DPP6: variants seen among roughly 807,000 people sequenced by gnomAD.
DPP6 encodes the protein dipeptidyl peptidase like 6.
In DPP6, 69 loss-of-function variants were observed where a neutral mutation model predicts 122.6. That is an observed-to-expected ratio of 0.56 (90% CI 0.46 to 0.69). DPP6 has a LOEUF of 0.69. DPP6 is among the 30% of genes least tolerant of loss of function. The pLI is 0.00. For missense variants in DPP6, 928 were observed against 1,116.9 expected (o/e 0.83, Z 2.41); for synonymous variants, 418 against 433.1 (o/e 0.97, Z 0.43).
chr7:153,826,035 C>A, the DPP6 span, among the ~76,000 whole-genome samples: 1 of 152,114 alleles, frequency 6.6e-6, no homozygotes, highest in Non-Finnish European at 1.5e-5. Flanking sequence ...CAAAATAGCC[C>A]TGCACAGTCT....
intron 10 of DPP6, among the ~76,000 whole-genome samples, chr7:154,779,001 T>TCTA (rs1172263074): frequency 3.5e-5 from 3 of 85,810 alleles, no homozygotes; most frequent in Admixed American, 1.1e-4. Context: ...CTCCACAACC[T>TCTA]CCACCACCAG....
At chr7:154,862,992 G>T (rs537122699) in intron 17 of DPP6, among the ~76,000 whole-genome samples, 1 of 152,232 alleles carries the variant, frequency 6.6e-6, no homozygotes, top group South Asian at 2.1e-4. Flanking sequence ...TTGACCTCCT[G>T]GGCTCAAGCA....
chr7:154,135,395 C>T (rs2150645499), intron 1 of DPP6, among the ~76,000 whole-genome samples: 1 of 151,294 alleles, frequency 6.6e-6, no homozygotes, highest in Non-Finnish European at 1.5e-5. Flanking sequence ...TTCCTTTGAG[C>T]ATACACCTCC....
chr7:153,954,138 G>T (rs1408579724), intron 1 of DPP6, among the ~76,000 whole-genome samples: 1 of 152,176 alleles, frequency 6.6e-6, no homozygotes, highest in Non-Finnish European at 1.5e-5. Flanking sequence ...AAACAGCTGG[G>T]CACCATCGCC....
chr7:153,810,671 C>CTCTCT, the DPP6 span, among the ~76,000 whole-genome samples: 1 of 124,630 alleles, frequency 8.0e-6, no homozygotes, highest in African/African-American at 3.3e-5. Flanking sequence ...CTCTCTCTCT[C>CTCTCT]CTCTCTCTCT....
intron 1 of DPP6, among the ~76,000 whole-genome samples, chr7:153,918,567 T>TCACACACACACACACACACA (rs1563006184): frequency 4.3e-5 from 2 of 46,164 alleles, no homozygotes; most frequent in African/African-American, 7.5e-5. Flanking sequence ...ACACACACAG[T>TCACACACACACACACACACA]CTCTCTCTCT....
chr7:154,839,785 A>G (rs1025054903), intron 16 of DPP6, among the ~76,000 whole-genome samples: 2 of 152,164 alleles, frequency 1.3e-5, no homozygotes, highest in African/African-American at 4.8e-5. Flanking sequence ...GGAGTCCAGA[A>G]TGCTGGGCCA....
the DPP6 span, among the ~76,000 whole-genome samples, chr7:153,797,409 T>G: frequency 5.3e-5 from 8 of 151,952 alleles, no homozygotes; most frequent in African/African-American, 1.9e-4. Context: ...GGAGGAGGAA[T>G]AGGATATTAT....
At chr7:154,086,722 G>A (rs1467910989) in intron 1 of DPP6, among the ~76,000 whole-genome samples, 27 of 151,194 alleles carry the variant, frequency 1.8e-4, no homozygotes, top group East Asian at 5.9e-4. Context: ...AGATTCAAGC[G>A]ATTCTCCTGC....
Position 154,894,039 on chromosome 7 carries a change from G to A in DPP6, c.*1559G>A, listed in dbSNP as rs1361182189. On this transcript the variant is annotated 3_prime_UTR_variant, in exon 26 of 26. Coordinates refer to ENST00000377770, the MANE Select transcript of DPP6 (RefSeq NM_130797.4). ...TCCGTTATAGTTAGGGTGATTGGAAGGTCTCCATCACTGGGTGTTTTAAAG... is the reference window on the plus strand; with the variant it reads ...TCCGTTATAGTTAGGGTGATTGGAAAGTCTCCATCACTGGGTGTTTTAAAG... 1 of 152,172 alleles carries A rather than the reference G, an allele frequency of 6.6e-6. No homozygotes were observed. The highest frequency in any genetic ancestry group is 1.5e-5 in the Non-Finnish European group (1 of 68,042). The allele number at this position is 152,172 out of a possible 1,614,324, so 9.4% of individuals were successfully genotyped here.
the DPP6 span, among the ~76,000 whole-genome samples, chr7:153,877,396 A>G: frequency 6.6e-6 from 1 of 152,132 alleles, no homozygotes; most frequent in African/African-American, 2.4e-5. Flanking sequence ...GTTTATTATT[A>G]TCAAACATTA....
chr7:154,313,712 T>TATATATATATATATATATGC (rs1554515587), intron 1 of DPP6, among the ~76,000 whole-genome samples: 1,579 of 24,430 alleles, frequency 0.065, 437 homozygotes, highest in Non-Finnish European at 0.11. Flanking sequence ...TATATATATA[T>TATATATATATATATATATGC]ATACACACAC....
chr7:154,821,147 C>G lies in DPP6; in HGVS notation c.1666+14035C>G, dbSNP rs1480461043. On this transcript the variant is annotated intron_variant, in intron 16 of 25. Coordinates refer to ENST00000377770, the MANE Select transcript of DPP6 (RefSeq NM_130797.4). This position sits in a 1 kb window ranked among gnomAD's most constrained non-coding sequence, Gnocchi z 4.2. Reference sequence around the variant, plus strand: ...CAGGAATGGTTGAGCTTCTCATAACCTATCTAATGGGCTGTGAATTGTGTT... The same window carrying G: ...CAGGAATGGTTGAGCTTCTCATAACGTATCTAATGGGCTGTGAATTGTGTT... 1.3e-5 allele frequency among the ~76,000 whole-genome samples: 2 copies of G among 152,198 alleles called. No individual in the cohort carries two copies. The highest frequency in any genetic ancestry group is 2.9e-5 in the Non-Finnish European group (2 of 68,038).
intron 1 of DPP6, among the ~76,000 whole-genome samples, chr7:154,113,934 C>T (rs1404650188): frequency 6.6e-6 from 1 of 152,206 alleles, no homozygotes; most frequent in Admixed American, 6.5e-5. Flanking sequence ...CGCCCACAGT[C>T]ACTGCTTCTA....
chr7:154,834,892 A>T (rs1800928278), intron 16 of DPP6, among the ~76,000 whole-genome samples: 1 of 152,196 alleles, frequency 6.6e-6, no homozygotes, highest in African/African-American at 2.4e-5. Flanking sequence ...CCTGCCCTGC[A>T]AAGGTTTGTT....
chr7:154,379,911 A>G (rs757786750), intron 1 of DPP6, among the ~76,000 whole-genome samples: 5 of 152,206 alleles, frequency 3.3e-5, no homozygotes, highest in Non-Finnish European at 5.9e-5. Flanking sequence ...ATGTACAATT[A>G]CTGCCCAAAA....
intron 1 of DPP6, among the ~76,000 whole-genome samples, chr7:154,187,624 C>T (rs1296487809): frequency 6.6e-6 from 1 of 152,082 alleles, no homozygotes; most frequent in Non-Finnish European, 1.5e-5. Flanking sequence ...TTAAGAGTAG[C>T]CACAATCACG....
At chr7:153,977,538 ATTCT>A (rs1194596898) in intron 1 of DPP6, among the ~76,000 whole-genome samples, 20 of 152,022 alleles carry the variant, frequency 1.3e-4, no homozygotes, top group Middle Eastern at 3.4e-3. Context: ...CCCCAGCCTC[ATTCT>A]TTCTTTTTGT....
rs150211090 is a variant in DPP6, at chr7:154,492,769, C to T, written c.457+17732C>T. ...TCTCCAAAAGCCTTCGATGTGGACC[C>T]TACACCATCCTACAAGGAGGTGGTT... On this transcript the variant is annotated intron_variant, in intron 3 of 25. Transcript: ENST00000377770. Among the ~76,000 whole-genome samples the T allele has an allele frequency of 3.2e-3, 487 of 152,242 alleles. 2 individuals carry two copies. The highest frequency in any genetic ancestry group is 0.011 in the African/African-American group (464 of 41,546).
Sources: gnomAD v4.1 joint callset for allele counts (sites outside exome capture counted in the v4.1 genomes callset) on GRCh38, gnomAD v4.1.1 for gene constraint, Gnocchi (gnomAD v3.1) non-coding constraint, MANE v1.5 for transcripts, NCBI Gene and HGNC (gene_info 2026-07-23, HGNC 2026-07-21) for gene names.